Variants in SMARCC1 observed in about 807,000 individuals in gnomAD.
SMARCC1 encodes SWI/SNF related BAF chromatin remodeling complex subunit C1, also known as SWI/SNF complex subunit SMARCC1.
SMARCC1 carries 43 observed loss-of-function variants against 147.4 expected under a neutral mutation model. That is an observed-to-expected ratio of 0.29 (90% CI 0.23 to 0.38). SMARCC1 has a LOEUF of 0.38. Ranked by LOEUF, SMARCC1 falls within the 10% of genes least tolerant of loss-of-function variation. The probability of loss-of-function intolerance (pLI) is 1.00; values close to 1 mark genes in which losing one functional copy is unlikely to be tolerated. For missense variants in SMARCC1, 1,119 were observed against 1,381.1 expected, an observed-to-expected ratio of 0.81 and a Z score of 3.01; for synonymous variants, 495 against 484.4, an observed-to-expected ratio of 1.02 and a Z score of -0.29.
chr3:47,675,805 C>T (rs545877660), intron 17 of SMARCC1, among the ~76,000 whole-genome samples: 6 of 151,998 alleles, frequency 3.9e-5, no homozygotes, highest in African/African-American at 1.2e-4. Flanking sequence ...ATTAGCCGGG[C>T]GTGGTGGCAC....
chr3:47,777,747 C>T (rs2034992444), intron 1 of SMARCC1, among the ~76,000 whole-genome samples: 1 of 151,650 alleles, frequency 6.6e-6, no homozygotes, highest in African/African-American at 2.4e-5. Context: ...AGGCTGGTCT[C>T]GAACTCCTGA....
At chr3:47,633,741 CAAAAAAAAA>C (rs1162764544) in intron 24 of SMARCC1, among the ~76,000 whole-genome samples, 1 of 8,632 alleles carries the variant, frequency 1.2e-4, no homozygotes, top group South Asian at 4.2e-3. Context: ...GAGACTGTCT[CAAAAAAAAA>C]AAAAAAAAAA....
chr3:47,592,614 A>G (rs1407010329), intron 26 of SMARCC1, among the ~76,000 whole-genome samples: 1 of 152,092 alleles, frequency 6.6e-6, no homozygotes, highest in Non-Finnish European at 1.5e-5. Context: ...TGTTTTGTTG[A>G]GACAGAGTCT....
intron 26 of SMARCC1, among the ~76,000 whole-genome samples, chr3:47,608,861 A>AAAC (rs1553673458): frequency 6.6e-6 from 1 of 151,024 alleles, no homozygotes. Flanking sequence ...AAAAAAAAAA[A>AAAC]AAAAAAAAAA....
At chr3:47,633,779 TACACACACACACACACAC>T (rs149363143) in intron 24 of SMARCC1, among the ~76,000 whole-genome samples, 5 of 28,864 alleles carry the variant, frequency 1.7e-4, no homozygotes, top group African/African-American at 2.2e-4. Context: ...TATATATATA[TACACACACACACACACAC>T]ACACACACAC....
intron 25 of SMARCC1, among the ~76,000 whole-genome samples, chr3:47,614,415 T>C (rs2032608630): frequency 6.6e-6 from 1 of 152,186 alleles, no homozygotes; most frequent in African/African-American, 2.4e-5. Context: ...TGTTGAACAA[T>C]AGATTCAATT....
intron 26 of SMARCC1, among the ~76,000 whole-genome samples, chr3:47,602,986 C>T (rs1169279194): frequency 6.6e-6 from 1 of 152,132 alleles, no homozygotes; most frequent in Non-Finnish European, 1.5e-5. Context: ...CTTGTCTCTA[C>T]TAAAATACAT....
Position 47,731,042 on chromosome 3 carries a change from T to A in SMARCC1, c.577-1948A>T, listed in dbSNP as rs547605499. Among the ~76,000 whole-genome samples the A allele has an allele frequency of 2.1e-4, 32 of 152,320 alleles. 1 individual carries two copies. Among genetic ancestry groups the A allele is most frequent in the Admixed American group, 1.6e-3 (24 of 15,294 alleles). ...AACAGTAAAAGTTTGTCACATTGAT[T>A]GACTCCTTTCACAAATGATTTCTCT... On this transcript the variant is annotated intron_variant, in intron 5 of 27. Transcript: ENST00000254480.
chr3:47,735,420 C>T (rs573435611), intron 5 of SMARCC1, among the ~76,000 whole-genome samples: 4 of 152,092 alleles, frequency 2.6e-5, no homozygotes, highest in African/African-American at 9.6e-5. Context: ...TTTGGGAGGG[C>T]GAGGCTGGAG....
intron 21 of SMARCC1, 98 bp downstream of exon 21, chr3:47,661,196 T>C: frequency 1.0e-6 from 1 of 979,122 alleles, no homozygotes; most frequent in East Asian, 2.4e-5. Context: ...CTGATCATTG[T>C]ACTCACTTTT....
chr3:47,746,642 A>C lies in SMARCC1; in HGVS notation c.316-649T>G, dbSNP rs116499290. Among the ~76,000 whole-genome samples, 592 of 152,024 alleles carry C rather than the reference A, an allele frequency of 3.9e-3. 5 individuals carry two copies. The highest frequency in any genetic ancestry group is 0.013 in the African/African-American group (537 of 41,492). ...AGAATTCCTTTTAAATTCCATAAAC[A>C]TATTATAATTTGAGTAATTAGTCTG... On this transcript the variant is annotated intron_variant, in intron 2 of 27. Coordinates refer to ENST00000254480, the MANE Select transcript of SMARCC1 (RefSeq NM_003074.4).
intron 24 of SMARCC1, among the ~76,000 whole-genome samples, chr3:47,631,889 T>C (rs1033594749): frequency 2.0e-5 from 3 of 152,206 alleles, no homozygotes; most frequent in Non-Finnish European, 2.9e-5. Context: ...AAAATGATCA[T>C]GTGTGCTATC....
intron 7 of SMARCC1, among the ~76,000 whole-genome samples, chr3:47,720,290 A>G (rs1391234475): frequency 6.6e-6 from 1 of 151,004 alleles, no homozygotes; most frequent in African/African-American, 2.4e-5. Context: ...CGTCTGGCTA[A>G]TTTTTTTTAT....
chr3:47,626,562 A>T (rs780093164), intron 24 of SMARCC1, among the ~76,000 whole-genome samples: 2 of 152,150 alleles, frequency 1.3e-5, no homozygotes, highest in Non-Finnish European at 1.5e-5. Context: ...CCAAACCCAA[A>T]GGCCCATTAG....
chr3:47,680,317 T>G, intron 15 of SMARCC1, 120 bp downstream of exon 15: 1 of 734,248 alleles, frequency 1.4e-6, no homozygotes, highest in Non-Finnish European at 2.4e-6. Flanking sequence ...ATATGAACAC[T>G]GTTCTGAAAG....
At chr3:47,680,345 C>T in intron 15 of SMARCC1, 92 bp downstream of exon 15, 2 of 843,402 alleles carry the variant, frequency 2.4e-6, no homozygotes, top group Non-Finnish European at 4.0e-6. Flanking sequence ...TGCAAACTTC[C>T]AAGAATCAGC....
intron 9 of SMARCC1, among the ~76,000 whole-genome samples, chr3:47,709,471 A>G (rs2034058230): frequency 6.6e-6 from 1 of 151,712 alleles, no homozygotes; most frequent in Admixed American, 6.6e-5. Context: ...AGATCACCTG[A>G]GGTTAAGAGT....
chr3:47,660,213 G>A lies in SMARCC1; in HGVS notation c.2320+1081C>T, dbSNP rs549427114. On this transcript the variant is annotated intron_variant, in intron 21 of 27. Transcript: ENST00000254480. The stretch of plus-strand genomic sequence containing the variant: ...TATAATCCCAGCACTTTGGGAGGCC[G>A]AGGCGGGCAGATCACGAGGTCAGGA... Among the ~76,000 whole-genome samples the A allele has an allele frequency of 2.5e-3, 381 of 152,058 alleles. 1 individual carries two copies. The highest frequency in any genetic ancestry group is 8.6e-3 in the African/African-American group (356 of 41,488).
chr3:47,719,702 C>CAAA (rs774210200), intron 7 of SMARCC1, among the ~76,000 whole-genome samples: 6 of 151,596 alleles, frequency 4.0e-5, no homozygotes, highest in East Asian at 1.9e-4. Flanking sequence ...GACTCTGTCT[C>CAAA]AAAAAAATCT....
Sources: gnomAD v4.1 joint callset for allele counts (sites outside exome capture counted in the v4.1 genomes callset) on GRCh38, gnomAD v4.1.1 for gene constraint, MANE v1.5 for transcripts, NCBI Gene and HGNC (gene_info 2026-07-23, HGNC 2026-07-21) for gene names.